GOPC: variants seen among roughly 807,000 people sequenced by gnomAD.
GOPC encodes the protein Golgi-associated PDZ and coiled-coil motif-containing protein.
In GOPC, 32 loss-of-function variants were observed where a neutral mutation model predicts 51.2. The observed-to-expected ratio is 0.63, with a 90% CI of 0.47 to 0.84. The LOEUF (loss-of-function observed/expected upper bound fraction) is 0.84, where lower values mean the gene tolerates loss of function less well. Ranked by LOEUF, GOPC falls within the 40% of genes least tolerant of loss-of-function variation. The pLI is 0.00. For missense variants in GOPC, 441 were observed against 555.5 expected, an observed-to-expected ratio of 0.79 and a Z score of 2.07; for synonymous variants, 190 against 205.1, an observed-to-expected ratio of 0.93 and a Z score of 0.63.
At chr6:117,594,566 C>T (rs1489145269) in intron 1 of GOPC, among the ~76,000 whole-genome samples, 1 of 152,194 alleles carries the variant, frequency 6.6e-6, no homozygotes, top group Admixed American at 6.5e-5. Flanking sequence ...GTGCCCAATA[C>T]AGCATCTGGC....
At chr6:117,575,045 C>T (rs1779859889) in intron 4 of GOPC, 132 bp downstream of exon 4, 2 of 657,054 alleles carry the variant, frequency 3.0e-6, no homozygotes, top group African/African-American at 3.7e-5. Context: ...TGCCACTGCA[C>T]TCCAGCCTGG....
rs576974517 is a variant in GOPC at position 117,575,075 on chromosome 6, T to A, written c.650+102A>T. ...GCCTGGGCAACAGAGCAAGACTCCA[T>A]CTCAAAAAAATAAAAAATAAAAAAA... On this transcript the variant is annotated intron_variant, in intron 4 of 8. Transcript: ENST00000368498. 4 of 927,434 alleles carry A rather than the reference T, an allele frequency of 4.3e-6. No individual in the cohort carries two copies. The African/African-American group carries it at 6.8e-5, about 16-fold the overall frequency. 57.5% of individuals were successfully genotyped at this position (927,434 alleles called of 1,614,324 possible).
At chr6:117,566,565 T>C (rs1044304827) in intron 8 of GOPC, among the ~76,000 whole-genome samples, 2 of 152,184 alleles carry the variant, frequency 1.3e-5, no homozygotes, top group African/African-American at 4.8e-5. Context: ...AAATAGTATA[T>C]TGGTCTTTGT....
At chr6:117,595,453 A>C (rs2114629249) in intron 1 of GOPC, among the ~76,000 whole-genome samples, 1 of 152,204 alleles carries the variant, frequency 6.6e-6, no homozygotes. Flanking sequence ...TATGTGAATA[A>C]GTTATTTAGT....
chr6:117,602,412 G>C lies in GOPC; in HGVS notation c.-124C>G. The C allele has an allele frequency of 2.1e-6, 2 of 930,976 alleles. No homozygotes were observed. Among genetic ancestry groups the C allele is most frequent in the Non-Finnish European group, 3.1e-6 (2 of 639,610 alleles). 57.7% of individuals were successfully genotyped at this position (930,976 alleles called of 1,614,324 possible). A position where few individuals can be genotyped will look rare whatever the true frequency, so the allele number is the denominator to read the frequency against. ...ACACTCCGTCACCTCCCTTCACCTC[G>C]CGCCGTTAACGCCAGCAGCACAGTC... is the stretch of plus-strand genomic sequence containing the variant. On this transcript the variant is annotated 5_prime_UTR_variant, in exon 1 of 9. Transcript: ENST00000368498.
At chr6:117,597,052 A>G (rs753505553) in intron 1 of GOPC, among the ~76,000 whole-genome samples, 2 of 152,112 alleles carry the variant, frequency 1.3e-5, no homozygotes, top group Admixed American at 6.5e-5. Context: ...TGTATCACCT[A>G]TGATTTCTTT....
intron 1 of GOPC, among the ~76,000 whole-genome samples, chr6:117,595,415 G>A (rs1370718451): frequency 6.6e-6 from 1 of 152,092 alleles, no homozygotes; most frequent in African/African-American, 2.4e-5. Flanking sequence ...TTTTTCAATA[G>A]GTTTCTGGGG....
chr6:117,570,986 G>GT, intron 5 of GOPC, 31 bp from the exon 6 acceptor site: 2 of 1,170,366 alleles, frequency 1.7e-6, no homozygotes, highest in South Asian at 2.7e-5. Context: ...AGAAAAAGTA[G>GT]TATCATTTAA....
intron 1 of GOPC, among the ~76,000 whole-genome samples, chr6:117,592,149 T>C (rs969611715): frequency 6.6e-6 from 1 of 152,144 alleles, no homozygotes; most frequent in African/African-American, 2.4e-5. Flanking sequence ...GGAGGATCAC[T>C]TGAAGTCAGG....
chr6:117,575,506 T>C, intron 3 of GOPC, 154 bp from the exon 4 acceptor site: 1 of 773,352 alleles, frequency 1.3e-6, no homozygotes, highest in Non-Finnish European at 2.3e-6. Context: ...TTTGAACTAG[T>C]ACCATAACAT....
chr6:117,576,271 GAA>G (rs748265472), intron 3 of GOPC, among the ~76,000 whole-genome samples: 32 of 151,836 alleles, frequency 2.1e-4, no homozygotes, highest in Non-Finnish European at 4.4e-4. Context: ...ACAAACAGAT[GAA>G]AGATTAGCAG....
At chr6:117,567,712 GTC>G (rs1779726333) in intron 7 of GOPC, among the ~76,000 whole-genome samples, 1 of 151,846 alleles carries the variant, frequency 6.6e-6, no homozygotes, top group Non-Finnish European at 1.5e-5. Context: ...TCCTATTATA[GTC>G]TCTTTTACAT....
intron 1 of GOPC, among the ~76,000 whole-genome samples, chr6:117,582,938 A>G (rs1779981765): frequency 6.6e-6 from 1 of 151,792 alleles, no homozygotes; most frequent in Non-Finnish European, 1.5e-5. Flanking sequence ...AAAAAGGCAA[A>G]AGGTGCAGTG....
Position 117,579,027 on chromosome 6 carries a change from G to T in GOPC, c.323C>A (p.Thr108Asn), listed in dbSNP as rs1371236538. The change falls in exon 2 of 9, where the codon ACC becomes AAC. Residue 108 changes from threonine to asparagine, a missense_variant. By Grantham distance (65) the Thr-to-Asn change is moderately conservative. Transcript: ENST00000368498. The stretch of plus-strand genomic sequence containing the variant: ...CTCCAAAACAACTTTCTCTGCTTGG[G>T]TTTCTGTCAGTTCAGATTTCAGATC... ...LVDLKSELTE[T>N]QAEKVVLEKE... 4.4e-6 allele frequency: 7 copies of T among 1,608,892 alleles called. No individual in the cohort carries two copies. The highest frequency in any genetic ancestry group is 5.1e-6 in the Non-Finnish European group (6 of 1,177,982).
chr6:117,567,760 A>G (rs913924791), intron 7 of GOPC, among the ~76,000 whole-genome samples: 3 of 152,066 alleles, frequency 2.0e-5, no homozygotes, highest in Non-Finnish European at 4.4e-5. Context: ...CAGAAAGCAG[A>G]TAACTTTCCC....
At chr6:117,574,256 AT>A (rs1779846645) in intron 4 of GOPC, among the ~76,000 whole-genome samples, 1 of 151,832 alleles carries the variant, frequency 6.6e-6, no homozygotes, top group Non-Finnish European at 1.5e-5. Flanking sequence ...ATCTCACAAA[AT>A]TTAAAAAAAA....
intron 3 of GOPC, chr6:117,575,577 G>GTT: frequency 1.4e-6 from 1 of 715,434 alleles, no homozygotes; most frequent in East Asian, 2.7e-5. Context: ...ATGGAGTATA[G>GTT]TAAGAAAAGT....
chr6:117,600,041 A>G (rs964726343), intron 1 of GOPC, among the ~76,000 whole-genome samples: 2 of 152,224 alleles, frequency 1.3e-5, no homozygotes, highest in African/African-American at 4.8e-5. Context: ...TCTGTTTCTT[A>G]TAACAGAATA....
chr6:117,572,756 C>G (rs564723401), intron 5 of GOPC, among the ~76,000 whole-genome samples: 38 of 152,298 alleles, frequency 2.5e-4, no homozygotes, highest in Non-Finnish European at 4.7e-4. Flanking sequence ...TTATCGCTAT[C>G]CCCACTTCTC....
Sources: allele counts gnomAD v4.1 joint callset (sites outside exome capture counted in the v4.1 genomes callset), GRCh38; gene constraint gnomAD v4.1.1; transcripts MANE v1.5; gene names NCBI Gene and HGNC (gene_info 2026-07-23, HGNC 2026-07-21).